The following MKLN1 variants were observed in gnomAD, a reference collection of about 807,000 sequenced individuals.
MKLN1 encodes the protein muskelin 1.
Under a neutral mutation model 99.0 loss-of-function variants are expected in MKLN1, and 18 were observed. The ratio of observed to expected loss-of-function variants is 0.18; its 90% confidence interval spans 0.13 to 0.27. The LOEUF is 0.27. Among genes scored for constraint, MKLN1 ranks in the 10% least tolerant of loss-of-function variants. The pLI, the probability that MKLN1 is intolerant of heterozygous loss-of-function variation, is 1.00. For missense variants in MKLN1, 621 were observed against 875.9 expected (o/e 0.71, Z 3.67); for synonymous variants, 288 against 293.2 (o/e 0.98, Z 0.18).
chr7:131,282,344 C>T (rs111721491), intron 3 of MKLN1, among the ~76,000 whole-genome samples: 8,339 of 129,448 alleles, frequency 0.064, 298 homozygotes, highest in Middle Eastern at 0.17. Flanking sequence ...AGTGAAACTC[C>T]GTCTCAAAAA....
intron 3 of MKLN1, among the ~76,000 whole-genome samples, chr7:131,305,792 T>G (rs540289285): frequency 6.6e-6 from 1 of 152,152 alleles, no homozygotes; most frequent in East Asian, 1.9e-4. Context: ...AGCCTTTCCA[T>G]AAATATATGT....
intron 4 of MKLN1, among the ~76,000 whole-genome samples, chr7:131,391,245 G>A (rs1794190688): frequency 2.6e-5 from 4 of 152,152 alleles, no homozygotes. Flanking sequence ...TAAATCGTTA[G>A]AATTTGACTT....
At chr7:131,361,388 C>A (rs1440572873) in intron 1 of MKLN1, among the ~76,000 whole-genome samples, 3 of 151,662 alleles carry the variant, frequency 2.0e-5, no homozygotes, top group Non-Finnish European at 2.9e-5. Context: ...CTGATTCTTT[C>A]CATGGTACAT....
At chr7:131,242,111 A>G (rs778592808) in intron 3 of MKLN1, among the ~76,000 whole-genome samples, 4 of 152,236 alleles carry the variant, frequency 2.6e-5, no homozygotes, top group African/African-American at 4.8e-5. Flanking sequence ...AAATACAGCA[A>G]ATCTGCTGGT....
At position 131,447,594 on chromosome 7, in the gene MKLN1, G is replaced by T. The variant is rs553766790; in HGVS notation, c.1525+1691G>T. ...TACTCCTTCTACAATCCTAAGATGGGTCTCCCTGAAAAAGGTAGTGAAGAT... is the reference window on the plus strand; with the variant it reads ...TACTCCTTCTACAATCCTAAGATGGTTCTCCCTGAAAAAGGTAGTGAAGAT... On this transcript the variant is annotated intron_variant, in intron 12 of 17. Coordinates refer to ENST00000352689, the MANE Select transcript of MKLN1 (RefSeq NM_013255.5). 6.6e-5 allele frequency among the ~76,000 whole-genome samples: 10 copies of T among 152,192 alleles called. No homozygotes were observed. The East Asian group carries it at 1.9e-3, about 29-fold the overall frequency.
intron 3 of MKLN1, among the ~76,000 whole-genome samples, chr7:131,236,268 A>G (rs552550448): frequency 3.4e-4 from 52 of 152,312 alleles, no homozygotes; most frequent in Admixed American, 8.5e-4. Flanking sequence ...ATGGTTGTAC[A>G]GTGTGTGAAA....
Position 131,299,978 on chromosome 7 carries a change from C to T in MKLN1, c.-178-75446C>T, listed in dbSNP as rs573548826. On this transcript the variant is annotated intron_variant, in intron 3 of 7. Transcript: ENST00000416992. ...AAGATATTTTGTGGCAAAGTTATCT[C>T]GGGGTAAACTCTGCAGCCACAAGCG... is the stretch of plus-strand genomic sequence containing the variant. Among the ~76,000 whole-genome samples the T allele has an allele frequency of 9.2e-5, 14 of 152,158 alleles. No homozygotes were observed. The South Asian group carries it at 1.2e-3, about 14-fold the overall frequency.
intron 2 of MKLN1, among the ~76,000 whole-genome samples, chr7:131,199,343 G>A (rs936277706): frequency 6.6e-6 from 1 of 150,584 alleles, no homozygotes; most frequent in African/African-American, 2.4e-5. Flanking sequence ...CTGTAACCTC[G>A]AAATCCTGGG....
At chr7:131,142,798 C>A in intron 1 of MKLN1, 1 of 640,546 alleles carries the variant, frequency 1.6e-6, no homozygotes, top group Non-Finnish European at 2.5e-6. Flanking sequence ...TCACATCTGT[C>A]CCTTGTGGGC....
At chr7:131,365,741 A>T (rs1800161849) in intron 1 of MKLN1, among the ~76,000 whole-genome samples, 1 of 152,082 alleles carries the variant, frequency 6.6e-6, no homozygotes, top group South Asian at 2.1e-4. Flanking sequence ...TTTGTTGAAG[A>T]TCAGATGATC....
chr7:131,171,566 C>T (rs1796217003), intron 2 of MKLN1, among the ~76,000 whole-genome samples: 1 of 152,042 alleles, frequency 6.6e-6, no homozygotes, highest in Admixed American at 6.6e-5. Flanking sequence ...CAAGCGATTT[C>T]CTGCCTCAGC....
chr7:131,402,233 A>AC (rs1159047439), intron 6 of MKLN1, among the ~76,000 whole-genome samples: 2 of 152,172 alleles, frequency 1.3e-5, no homozygotes, highest in African/African-American at 4.8e-5. Context: ...AGCAGTTTCC[A>AC]TCTCAAGAAA....
chr7:131,294,295 G>T (rs1798260039), intron 3 of MKLN1, among the ~76,000 whole-genome samples: 1 of 152,118 alleles, frequency 6.6e-6, no homozygotes, highest in Non-Finnish European at 1.5e-5. Flanking sequence ...TATTTTAAGT[G>T]AATAACTGTA....
At chr7:131,262,581 C>T (rs111401083) in intron 3 of MKLN1, among the ~76,000 whole-genome samples, 205 of 151,572 alleles carry the variant, frequency 1.4e-3, no homozygotes, top group South Asian at 2.9e-3. Flanking sequence ...GATAGAGTCC[C>T]GCTCTGTGGC....
At chr7:131,148,434 G>A (rs1225059504) in intron 2 of MKLN1, among the ~76,000 whole-genome samples, 1 of 152,138 alleles carries the variant, frequency 6.6e-6, no homozygotes, top group Non-Finnish European at 1.5e-5. Flanking sequence ...GCACATAATT[G>A]TTTAAATTGC....
intron 1 of MKLN1, among the ~76,000 whole-genome samples, chr7:131,332,568 T>G (rs1799109965): frequency 6.6e-6 from 1 of 151,212 alleles, no homozygotes; most frequent in Non-Finnish European, 1.5e-5. Context: ...AAAATTTAAA[T>G]TACCCTTGAT....
intron 3 of MKLN1, among the ~76,000 whole-genome samples, chr7:131,216,401 C>A (rs1198035021): frequency 7.1e-6 from 1 of 140,362 alleles, no homozygotes; most frequent in South Asian, 2.3e-4. Flanking sequence ...CCAGCCTGGG[C>A]GACAGACTGA....
intron 1 of MKLN1, among the ~76,000 whole-genome samples, chr7:131,121,832 G>A (rs1795377497): frequency 6.6e-6 from 1 of 152,076 alleles, no homozygotes; most frequent in Admixed American, 6.6e-5. Flanking sequence ...AAATTTGAAA[G>A]AAGATTGCCT....
chr7:131,477,344 T>A (rs182597012), intron 16 of MKLN1, among the ~76,000 whole-genome samples: 85 of 150,750 alleles, frequency 5.6e-4, no homozygotes, highest in Middle Eastern at 3.4e-3. Flanking sequence ...ACCAGGAGTT[T>A]GAGACCAGCC....
Sources: allele counts gnomAD v4.1 joint callset (sites outside exome capture counted in the v4.1 genomes callset), GRCh38; gene constraint gnomAD v4.1.1; transcripts MANE v1.5; gene names NCBI Gene and HGNC (gene_info 2026-07-23, HGNC 2026-07-21).